Variants in VTA1 observed in about 807,000 individuals in gnomAD.
VTA1 encodes vesicle trafficking 1, also known as vacuolar protein sorting-associated protein VTA1 homolog.
In VTA1, 24 loss-of-function variants were observed where a neutral mutation model predicts 36.9. The ratio of observed to expected loss-of-function variants is 0.65; its 90% confidence interval spans 0.47 to 0.91. The LOEUF (loss-of-function observed/expected upper bound fraction) is 0.91, where lower values mean the gene tolerates loss of function less well. Among genes scored for constraint, VTA1 ranks in the 40% least tolerant of loss-of-function variants. The probability of loss-of-function intolerance (pLI) is 0.00; values close to 1 mark genes in which losing one functional copy is unlikely to be tolerated. For synonymous variants in VTA1, 142 were observed against 130.2 expected, an observed-to-expected ratio of 1.09 and a Z score of -0.62; for missense variants, 393 against 377.2, an observed-to-expected ratio of 1.04 and a Z score of -0.35.
In VTA1 at chr6:142,169,645, A is replaced by G; in HGVS notation, c.303A>G (p.Ala101=). ...ENYALKMFLY[A]DNEDRAGRFH... is the part of the protein sequence containing the mutation. ...ATGCTTTGAAAATGTTTTTGTATGC[A>G]GACAATGAAGATCGTGCTGGACGAT... The change falls in exon 3 of 8, where the codon GCA becomes GCG. Residue 101 remains alanine, a synonymous_variant. Coordinates refer to ENST00000367630, the MANE Select transcript of VTA1 (RefSeq NM_016485.5). 6.2e-7 allele frequency: 1 copy of G among 1,608,026 alleles called. No individual in the cohort carries two copies. Among genetic ancestry groups the G allele is most frequent in the South Asian group, 1.1e-5 (1 of 89,292 alleles).
intron 1 of VTA1, among the ~76,000 whole-genome samples, chr6:142,147,807 C>G (rs1258496273): frequency 6.6e-6 from 1 of 152,168 alleles, no homozygotes; most frequent in African/African-American, 2.4e-5. Flanking sequence ...TAGTTGAAAA[C>G]ATAGTAATAA....
intron 7 of VTA1, 22 bp from the exon 8 acceptor site, chr6:142,218,476 C>G (rs1427300900): frequency 1.2e-6 from 2 of 1,608,928 alleles, no homozygotes; most frequent in East Asian, 4.5e-5. Flanking sequence ...TATAAATATC[C>G]CAATTGTTCT....
At chr6:142,164,472 A>G (rs1774875981) in intron 1 of VTA1, among the ~76,000 whole-genome samples, 1 of 152,190 alleles carries the variant, frequency 6.6e-6, no homozygotes, top group Non-Finnish European at 1.5e-5. Flanking sequence ...AAGCTCTGTA[A>G]TATGAGATAG....
intron 1 of VTA1, among the ~76,000 whole-genome samples, chr6:142,153,880 T>G (rs1199625077): frequency 6.6e-6 from 1 of 152,132 alleles, no homozygotes; most frequent in African/African-American, 2.4e-5. Context: ...GTAAGAAATA[T>G]TACAGAGAGA....
intron 7 of VTA1, 69 bp downstream of exon 7, chr6:142,204,134 C>A: frequency 7.7e-7 from 1 of 1,301,042 alleles, no homozygotes; most frequent in East Asian, 2.3e-5. Context: ...GTAATTTTAC[C>A]TTGACAGTAC....
intron 6 of VTA1, among the ~76,000 whole-genome samples, chr6:142,201,224 CTAATAAAAAACAAAA>C (rs984092277): frequency 4.6e-5 from 7 of 151,614 alleles, no homozygotes; most frequent in Non-Finnish European, 8.9e-5. Flanking sequence ...TCATAGTTGC[CTAATAAAAAACAAAA>C]TAACATTTTT....
At chr6:142,176,568 T>A (rs1775129197) in intron 4 of VTA1, among the ~76,000 whole-genome samples, 1 of 151,742 alleles carries the variant, frequency 6.6e-6, no homozygotes, top group Admixed American at 6.6e-5. Context: ...CCCAGGACAA[T>A]ATTTCTCAAA....
At chr6:142,179,749 G>T (rs950952361) in intron 4 of VTA1, among the ~76,000 whole-genome samples, 4 of 152,188 alleles carry the variant, frequency 2.6e-5, no homozygotes, top group African/African-American at 9.6e-5. Flanking sequence ...CACTGAAGAT[G>T]TATGCATCTC....
intron 4 of VTA1, among the ~76,000 whole-genome samples, chr6:142,178,535 A>G (rs1470859433): frequency 6.6e-6 from 1 of 152,106 alleles, no homozygotes; most frequent in African/African-American, 2.4e-5. Context: ...GGAATGAACA[A>G]CACTGGACAC....
intron 1 of VTA1, among the ~76,000 whole-genome samples, chr6:142,148,643 C>G (rs1280424746): frequency 3.9e-5 from 6 of 152,018 alleles, no homozygotes; most frequent in Non-Finnish European, 5.9e-5. Context: ...AATATAGAGT[C>G]TATCATACAT....
intron 1 of VTA1, among the ~76,000 whole-genome samples, chr6:142,153,885 G>A (rs1475635492): frequency 6.6e-6 from 1 of 152,080 alleles, no homozygotes; most frequent in Non-Finnish European, 1.5e-5. Flanking sequence ...AAATATTACA[G>A]AGAGATTCTG....
rs1182877125 is a variant in VTA1, at chr6:142,198,595, C to T, written c.677C>T (p.Ala226Val). 3 of 1,611,946 alleles carry T rather than the reference C, an allele frequency of 1.9e-6. No homozygotes were observed. The highest frequency in any genetic ancestry group is 2.5e-6 in the Non-Finnish European group (3 of 1,178,808). ...PGAHAPANTP[A>V]EVPHSTGVAS... is the part of the protein sequence containing the mutation. ...GCACACGCTCCAGCTAATACACCAG[C>T]AGAAGTGCCTCACAGCACAGGTGGG... Residue 226 changes from alanine to valine, a missense_variant, in exon 6 of 8, where the codon GCA becomes GTA. Transcript: ENST00000367630.
At chr6:142,216,582 T>C (rs1292443186) in intron 7 of VTA1, among the ~76,000 whole-genome samples, 1 of 152,184 alleles carries the variant, frequency 6.6e-6, no homozygotes, top group African/African-American at 2.4e-5. Flanking sequence ...TTATGTATTT[T>C]ATATCTAGTT....
rs1774936036 is a variant in VTA1 at position 142,167,354 on chromosome 6, C to G, written c.207+1032C>G. ...TCTTTTAACAAAGTCAGGGTACACT[C>G]ATTAATTCATCTCCTCCAAGACTGT... On this transcript the variant is annotated intron_variant, in intron 2 of 7. Coordinates refer to ENST00000367630, the MANE Select transcript of VTA1 (RefSeq NM_016485.5). Among the ~76,000 whole-genome samples the G allele has an allele frequency of 2.6e-5, 4 of 152,142 alleles. No homozygotes were observed. The South Asian group carries it at 8.3e-4, about 31-fold the overall frequency.
intron 5 of VTA1, among the ~76,000 whole-genome samples, chr6:142,196,082 C>G (rs1775545762): frequency 6.6e-6 from 1 of 152,086 alleles, no homozygotes; most frequent in South Asian, 2.1e-4. Context: ...TTTTGAGACT[C>G]TGTTATTATA....
chr6:142,168,819 T>C (rs757460169), intron 2 of VTA1, among the ~76,000 whole-genome samples: 70 of 150,708 alleles, frequency 4.6e-4, no homozygotes, highest in Non-Finnish European at 8.3e-4. Context: ...CAGGCTGGAG[T>C]GCAGTGGCGC....
chr6:142,189,303 C>A (rs956958381), intron 4 of VTA1, 123 bp from the exon 5 acceptor site: 5 of 709,126 alleles, frequency 7.1e-6, no homozygotes, highest in Non-Finnish European at 2.3e-6. Flanking sequence ...TTGCCAGTTT[C>A]TTTTAGAGCT....
At chr6:142,190,997 C>T (rs534261498) in intron 5 of VTA1, among the ~76,000 whole-genome samples, 2 of 152,140 alleles carry the variant, frequency 1.3e-5, no homozygotes, top group East Asian at 3.9e-4. Flanking sequence ...ATTATTGAAC[C>T]AATTTTACAT....
intron 7 of VTA1, among the ~76,000 whole-genome samples, chr6:142,206,912 C>T (rs372463849): frequency 2.6e-5 from 4 of 152,192 alleles, no homozygotes; most frequent in African/African-American, 4.8e-5. Flanking sequence ...TGAATCTAGA[C>T]ACAGACCTTC....
Sources: gnomAD v4.1 joint callset for allele counts (sites outside exome capture counted in the v4.1 genomes callset) on GRCh38, gnomAD v4.1.1 for gene constraint, MANE v1.5 for transcripts, NCBI Gene and HGNC (gene_info 2026-07-23, HGNC 2026-07-21) for gene names.